GPHN: variants seen among roughly 807,000 people sequenced by gnomAD.
GPHN encodes gephyrin.
In GPHN, 17 loss-of-function variants were observed where a neutral mutation model predicts 95.5. The ratio of observed to expected loss-of-function variants is 0.18; its 90% confidence interval spans 0.12 to 0.27. The LOEUF is 0.27. Among genes scored for constraint, GPHN ranks in the 10% least tolerant of loss-of-function variants. The pLI, the probability that GPHN is intolerant of heterozygous loss-of-function variation, is 1.00. For synonymous variants in GPHN, 320 were observed against 322.5 expected (o/e 0.99, Z 0.08); for missense variants, 660 against 978.1 (o/e 0.67, Z 4.34).
chr14:66,628,538 A>G (rs915093924), intron 1 of GPHN, among the ~76,000 whole-genome samples: 2 of 152,112 alleles, frequency 1.3e-5, no homozygotes, highest in Non-Finnish European at 2.9e-5. Flanking sequence ...GCAGGACTGG[A>G]GGTTGCTTCG....
chr14:66,999,236 G>T (rs1357664659), intron 9 of GPHN, among the ~76,000 whole-genome samples: 2 of 151,662 alleles, frequency 1.3e-5, no homozygotes, highest in East Asian at 1.9e-4. Context: ...ATAGTTTGGG[G>T]TATATATTTT....
chr14:66,991,906 TA>T (rs1469973893), intron 9 of GPHN, among the ~76,000 whole-genome samples: 1 of 146,750 alleles, frequency 6.8e-6, no homozygotes, highest in Non-Finnish European at 1.5e-5. Flanking sequence ...AAGAAAAACA[TA>T]GAATAAGATA....
At chr14:67,413,077 T>C in the GPHN span, among the ~76,000 whole-genome samples, 1 of 151,942 alleles carries the variant, frequency 6.6e-6, no homozygotes, top group Admixed American at 6.6e-5. Flanking sequence ...AAAATAATAT[T>C]TTAATGCATT....
chr14:67,200,832 T>C, the GPHN span, among the ~76,000 whole-genome samples: 1 of 152,194 alleles, frequency 6.6e-6, no homozygotes, highest in South Asian at 2.1e-4. Context: ...TCTAATAAAA[T>C]TACATAGTAC....
the GPHN span, among the ~76,000 whole-genome samples, chr14:67,275,772 G>C: frequency 6.6e-6 from 1 of 152,102 alleles, no homozygotes; most frequent in Non-Finnish European, 1.5e-5. Flanking sequence ...TGGTTGGTAG[G>C]CTATTAATTA....
intron 3 of GPHN, among the ~76,000 whole-genome samples, chr14:66,801,790 T>C (rs1325257148): frequency 6.9e-6 from 1 of 144,434 alleles, no homozygotes; most frequent in Non-Finnish European, 1.5e-5. Flanking sequence ...CTACCATCTA[T>C]GCCCGCTCCC....
rs528311612 is a variant in GPHN, at chr14:67,063,865, T to C, written c.1144+5079T>C. Among the ~76,000 whole-genome samples, 3 of 152,358 alleles carry C rather than the reference T, an allele frequency of 2.0e-5. No individual in the cohort carries two copies. The South Asian group carries it at 6.2e-4, about 32-fold the overall frequency. On this transcript the variant is annotated intron_variant, in intron 11 of 22. Coordinates refer to ENST00000478722, the MANE Select transcript of GPHN (RefSeq NM_020806.5). ...ATGGAGTTTTCTAAATAGACAATCA[T>C]GTCATCTGCAAACAGAGACAATTTG...
At chr14:67,473,789 C>T in the GPHN span, 9 of 1,613,830 alleles carry the variant, frequency 5.6e-6, no homozygotes, top group African/African-American at 1.1e-4. This position sits in a 1 kb window ranked among gnomAD's most constrained non-coding sequence, Gnocchi z 6.5. Context: ...CCCACACGCT[C>T]GTGACCCCAG....
intron 1 of GPHN, among the ~76,000 whole-genome samples, chr14:66,546,556 GGT>G (rs2059607348): frequency 6.6e-6 from 1 of 152,136 alleles, no homozygotes. Context: ...GATCACTCAC[GGT>G]TAGGAGCTGG....
At chr14:66,667,353 G>T (rs918748203) in intron 1 of GPHN, among the ~76,000 whole-genome samples, 1 of 152,044 alleles carries the variant, frequency 6.6e-6, no homozygotes, top group Non-Finnish European at 1.5e-5. Flanking sequence ...CCAAGCAATC[G>T]TAAGCCTAAA....
chr14:66,540,951 T>G (rs1594882042), intron 1 of GPHN, among the ~76,000 whole-genome samples: 1 of 151,850 alleles, frequency 6.6e-6, no homozygotes, highest in South Asian at 2.1e-4. Flanking sequence ...TTTTTTTTTC[T>G]TTTTTTCCTT....
the GPHN span, among the ~76,000 whole-genome samples, chr14:67,193,848 G>A: frequency 1.3e-5 from 2 of 149,060 alleles, no homozygotes; most frequent in African/African-American, 4.9e-5. Flanking sequence ...AGGAGGCTGA[G>A]GTGAGAGGAT....
At chr14:67,593,655 T>A in the GPHN span, 3 of 737,580 alleles carry the variant, frequency 4.1e-6, no homozygotes, top group South Asian at 1.6e-5. Flanking sequence ...AGTCTCACTT[T>A]TACGGTTTTA....
the GPHN span, among the ~76,000 whole-genome samples, chr14:67,373,309 A>T: frequency 4.6e-5 from 7 of 152,192 alleles, no homozygotes; most frequent in Non-Finnish European, 1.0e-4. Flanking sequence ...AAAGTGGTGA[A>T]TTTTACTATA....
At chr14:66,994,414 C>CA (rs200171204) in intron 9 of GPHN, among the ~76,000 whole-genome samples, 2,242 of 148,610 alleles carry the variant, frequency 0.015, 29 homozygotes, top group Non-Finnish European at 0.02. Flanking sequence ...GTGCTTTAAA[C>CA]AAAAAAAAAA....
chr14:67,324,587 T>C, the GPHN span, among the ~76,000 whole-genome samples: 1 of 152,132 alleles, frequency 6.6e-6, no homozygotes, highest in African/African-American at 2.4e-5. Flanking sequence ...GTTGTTGTTT[T>C]GGTCGTTGCT....
At chr14:66,774,302 A>G (rs991039933) in intron 2 of GPHN, among the ~76,000 whole-genome samples, 2 of 152,148 alleles carry the variant, frequency 1.3e-5, no homozygotes, top group African/African-American at 4.8e-5. Flanking sequence ...GCGCCCGGCC[A>G]TATCTACAAG....
At chr14:66,632,580 C>T (rs1302113188) in intron 1 of GPHN, among the ~76,000 whole-genome samples, 3 of 150,758 alleles carry the variant, frequency 2.0e-5, no homozygotes, top group Non-Finnish European at 4.4e-5. Flanking sequence ...GCAACCTCCT[C>T]CTCCCAGGTT....
chr14:66,805,707 A>G (rs759600430), intron 3 of GPHN, among the ~76,000 whole-genome samples: 2 of 152,058 alleles, frequency 1.3e-5, no homozygotes, highest in Non-Finnish European at 2.9e-5. Flanking sequence ...AACTCCTTTG[A>G]CTCTATGTCT....
Sources: allele counts gnomAD v4.1 joint callset (sites outside exome capture counted in the v4.1 genomes callset), GRCh38; gene constraint gnomAD v4.1.1; non-coding constraint Gnocchi (gnomAD v3.1); transcripts MANE v1.5; gene names NCBI Gene and HGNC (gene_info 2026-07-23, HGNC 2026-07-21).